The following MISP variants were observed in gnomAD, a reference collection of about 807,000 sequenced individuals.
MISP encodes mitotic interactor and substrate of PLK1.
MISP carries 51 observed loss-of-function variants against 49.3 expected under a neutral mutation model. The observed-to-expected ratio is 1.03, with a 90% CI of 0.83 to 1.31. The LOEUF (loss-of-function observed/expected upper bound fraction) is 1.31. MISP is among the 50% of genes most tolerant of loss of function. The pLI is 0.00. For missense variants in MISP, 1,084 were observed against 935.1 expected (o/e 1.16, Z -2.08); for synonymous variants, 444 against 392.6 (o/e 1.13, Z -1.55).
At chr19:760,143 C>T in intron 3 of MISP, 104 bp downstream of exon 3, 3 of 1,335,518 alleles carry the variant, frequency 2.2e-6, no homozygotes, top group Non-Finnish European at 3.1e-6. Flanking sequence ...TGGGTTCAAG[C>T]ACTACCCCCA....
In MISP at chr19:758,393, G is replaced by A; in HGVS notation, c.1447G>A (p.Glu483Lys). The A allele has an allele frequency of 3.1e-6, 5 of 1,614,242 alleles. No individual in the cohort carries two copies. The highest frequency in any genetic ancestry group is 4.2e-6 in the Non-Finnish European group (5 of 1,180,054). The change falls in exon 2 of 5, where the codon GAG (glutamate) becomes AAG (lysine). Residue 483 changes from glutamate to lysine, a missense_variant. Physicochemically the swap from Glu to Lys is moderately conservative, Grantham distance 56 (BLOSUM62 1). Coordinates refer to ENST00000215582, the MANE Select transcript of MISP (RefSeq NM_173481.4). ...TGGAAAACCCCTGAGCACAAAGCAA[G>A]AGGCATCGAAGCCCCCTCGGGGATG... ...SSGKPLSTKQ[E>K]ASKPPRGCPQ... is the part of the protein sequence containing the mutation.
intron 4 of MISP, among the ~76,000 whole-genome samples, chr19:762,400 CCA>C (rs1319317340): frequency 1.3e-5 from 2 of 151,770 alleles, no homozygotes; most frequent in Non-Finnish European, 2.9e-5. Context: ...TTACAGGCAC[CCA>C]CCACCATGCC....
At chr19:759,818 T>A in intron 2 of MISP, 91 bp from the exon 3 acceptor site, 1 of 1,466,160 alleles carries the variant, frequency 6.8e-7, no homozygotes, top group Non-Finnish European at 9.4e-7. Context: ...TGTCCATACA[T>A]CTGTCTCCTT....
intron 1 of MISP, among the ~76,000 whole-genome samples, chr19:751,713 G>A (rs539369604): frequency 6.6e-6 from 1 of 152,264 alleles, no homozygotes; most frequent in East Asian, 1.9e-4. Flanking sequence ...CCTCGGGTGG[G>A]GGTGAGGTGG....
At chr19:754,768 G>C (rs542064822) in intron 1 of MISP, among the ~76,000 whole-genome samples, 124 of 152,344 alleles carry the variant, frequency 8.1e-4, no homozygotes, top group Non-Finnish European at 1.3e-3. Context: ...GGAAGCCGTG[G>C]AGAAGCAGAA....
chr19:756,908 C>A lies in MISP; in HGVS notation c.-39C>A, dbSNP rs1240604824. 3 of 1,464,844 alleles carry A rather than the reference C, an allele frequency of 2.0e-6. No individual in the cohort carries two copies. The highest frequency in any genetic ancestry group is 1.4e-5 in the South Asian group (1 of 71,442). The allele number at this position is 1,464,844 out of a possible 1,614,324, so 90.7% of individuals were successfully genotyped here. ...CCCTCAGTAAGCCCAGAGGTCTCCACCCCACGGGAGGAAGGCTGAGGCCAA... is the reference window on the plus strand; with the variant it reads ...CCCTCAGTAAGCCCAGAGGTCTCCAACCCACGGGAGGAAGGCTGAGGCCAA... On this transcript the variant is annotated 5_prime_UTR_variant, in exon 2 of 5. Transcript: ENST00000215582.
intron 4 of MISP, 117 bp from the exon 5 acceptor site, chr19:763,384 G>A (rs966214139): frequency 1.4e-6 from 1 of 696,646 alleles, no homozygotes; most frequent in Non-Finnish European, 2.6e-6. Context: ...CTGAAACAGA[G>A]GAGGGGATCC....
chr19:753,260 G>A (rs999220546), intron 1 of MISP, among the ~76,000 whole-genome samples: 4 of 152,218 alleles, frequency 2.6e-5, no homozygotes, highest in South Asian at 4.1e-4. Flanking sequence ...CATTTGATAC[G>A]CGCGGAAGAT....
At chr19:750,969 C>G (rs902730440), upstream of MISP, among the ~76,000 whole-genome samples, 5 of 152,130 alleles carry the variant, frequency 3.3e-5, no homozygotes, top group African/African-American at 1.2e-4. Flanking sequence ...CCTTGCCCAG[C>G]CTGGTATCCT....
chr19:756,231 G>T (rs1263541923), intron 1 of MISP, among the ~76,000 whole-genome samples: 2 of 152,166 alleles, frequency 1.3e-5, no homozygotes, highest in Non-Finnish European at 2.9e-5. Context: ...CAAGACCAGC[G>T]GGAAGAGGGT....
rs2033613524 is a variant in MISP at position 758,431 on chromosome 19, C to T, written c.1485C>T (p.Asn495=). Residue 495 remains asparagine, a synonymous_variant, in exon 2 of 5, where the codon AAC becomes AAT. Coordinates refer to ENST00000215582, the MANE Select transcript of MISP (RefSeq NM_173481.4). The part of the protein sequence containing the change: ...SKPPRGCPQA[N]RGVVRWEYFR... Reference sequence around the variant, plus strand: ...CCCCTCGGGGATGCCCGCAAGCCAACAGGGGTGTCGTGCGGTGGGAGTACT... The same window carrying T: ...CCCCTCGGGGATGCCCGCAAGCCAATAGGGGTGTCGTGCGGTGGGAGTACT... The T allele has an allele frequency of 3.1e-6, 5 of 1,614,218 alleles. No homozygotes were observed. Among genetic ancestry groups the T allele is most frequent in the Non-Finnish European group, 3.4e-6 (4 of 1,180,046 alleles).
upstream of MISP, among the ~76,000 whole-genome samples, chr19:749,090 A>G (rs2033420475): frequency 6.6e-6 from 1 of 152,082 alleles, no homozygotes; most frequent in South Asian, 2.1e-4. Flanking sequence ...GTGAGCTGAG[A>G]TCGTGCCACT....
rs1174792890 is a variant in MISP, at chr19:763,654, C to T, written c.*64C>T. On this transcript the variant is annotated 3_prime_UTR_variant, in exon 5 of 5. Transcript: ENST00000215582. ...CCCTCGTGGGAACTGCCAAGACCATCGCCAAGCCCCCACCCTAGGAAATGG... is the reference window on the plus strand; with the variant it reads ...CCCTCGTGGGAACTGCCAAGACCATTGCCAAGCCCCCACCCTAGGAAATGG... 46 of 1,191,558 alleles carry T rather than the reference C, an allele frequency of 3.9e-5. No individual in the cohort carries two copies. The highest frequency in any genetic ancestry group is 4.7e-5 in the Non-Finnish European group (38 of 816,262). The allele number at this position is 1,191,558 out of a possible 1,614,324, so 73.8% of individuals were successfully genotyped here.
At position 759,462 on chromosome 19, in the gene MISP, C is replaced by T. The variant is rs145535477; in HGVS notation, c.1781-447C>T. ...TCACCCAGGCTGGAGTGCAGTGGCG[C>T]GATCTCGGCTCACTGCAAGCTCCGC... On this transcript the variant is annotated intron_variant, in intron 2 of 4. Transcript: ENST00000215582. 4.0e-3 allele frequency among the ~76,000 whole-genome samples: 583 copies of T among 145,866 alleles called. 4 individuals are homozygous for T. Among genetic ancestry groups the T allele is most frequent in the African/African-American group, 0.014 (555 of 39,046 alleles).
rs756970923 is a variant in MISP, at chr19:757,604, C to A, written c.658C>A (p.Pro220Thr). ...TCATAGCTCCCCGGCCAGGGGGACC[C>A]CTGCAGGCACAACCCCAGGGGCCAG... is the stretch of plus-strand genomic sequence containing the variant. ...APHSSPARGT[P>T]AGTTPGASQA... is the part of the protein sequence containing the mutation. Residue 220 changes from proline (P) to threonine (T), a missense_variant, in exon 2 of 5, where the codon CCT becomes ACT. Physicochemically the swap from Pro to Thr is conservative, Grantham distance 38. Coordinates refer to ENST00000215582, the MANE Select transcript of MISP (RefSeq NM_173481.4). The A allele has an allele frequency of 6.2e-7, 1 of 1,612,590 alleles. No individual in the cohort carries two copies. The highest frequency in any genetic ancestry group is 8.5e-7 in the Non-Finnish European group (1 of 1,179,662).
intron 1 of MISP, among the ~76,000 whole-genome samples, chr19:753,853 C>G (rs989883832): frequency 6.6e-6 from 1 of 151,668 alleles, no homozygotes. Context: ...CTCAGCTCAC[C>G]GCAACCTCCA....
intron 3 of MISP, among the ~76,000 whole-genome samples, chr19:761,251 G>A (rs916958235): frequency 6.7e-6 from 1 of 149,722 alleles, no homozygotes; most frequent in Admixed American, 6.7e-5. Context: ...CACCACTCCT[G>A]GCTAAAGGGA....
upstream of MISP, among the ~76,000 whole-genome samples, chr19:749,339 C>A (rs1254346185): frequency 6.6e-6 from 1 of 152,196 alleles, no homozygotes; most frequent in African/African-American, 2.4e-5. Flanking sequence ...AAACCCCCGC[C>A]ATTCCTGAGG....
chr19:750,283 T>G (rs1261029432), upstream of MISP, among the ~76,000 whole-genome samples: 1 of 137,188 alleles, frequency 7.3e-6, no homozygotes, highest in African/African-American at 2.8e-5. Flanking sequence ...CACTGCAACC[T>G]CCAACTCCTG....
Sources: allele counts gnomAD v4.1 joint callset (sites outside exome capture counted in the v4.1 genomes callset), GRCh38; gene constraint gnomAD v4.1.1; transcripts MANE v1.5; gene names NCBI Gene and HGNC (gene_info 2026-07-23, HGNC 2026-07-21).